CSMD2: variants seen among roughly 807,000 people sequenced by gnomAD.
CSMD2 encodes CUB and Sushi multiple domains 2.
Under a neutral mutation model 398.5 loss-of-function variants are expected in CSMD2, and 130 were observed. The ratio of observed to expected loss-of-function variants is 0.33; its 90% CI spans 0.28 to 0.38. CSMD2 has a LOEUF of 0.38. CSMD2 is among the 10% of genes least tolerant of loss of function. The probability of loss-of-function intolerance (pLI) is 1.00; values close to 1 mark genes in which losing one functional copy is unlikely to be tolerated. For synonymous variants in CSMD2, 1,828 were observed against 1,908.5 expected, an observed-to-expected ratio of 0.96 and a Z score of 1.10; for missense variants, 3,829 against 4,764.9, an observed-to-expected ratio of 0.80 and a Z score of 5.78.
At chr1:33,775,452 C>T (rs1651849732) in intron 12 of CSMD2, among the ~76,000 whole-genome samples, 2 of 152,242 alleles carry the variant, frequency 1.3e-5, no homozygotes, top group South Asian at 4.1e-4. Context: ...CCCATGAGTG[C>T]CCTGCTCACC....
intron 6 of CSMD2, among the ~76,000 whole-genome samples, chr1:33,845,659 A>C (rs921408684): frequency 2.6e-5 from 4 of 152,266 alleles, no homozygotes; most frequent in African/African-American, 9.6e-5. Flanking sequence ...GAAAGCTCTC[A>C]GGGTAAGCCT....
At chr1:33,678,095 A>G (rs962397706) in intron 25 of CSMD2, among the ~76,000 whole-genome samples, 2 of 151,428 alleles carry the variant, frequency 1.3e-5, no homozygotes, top group Non-Finnish European at 2.9e-5. Context: ...ATACCCTAAA[A>G]CTTAAAGTAT....
chr1:33,548,611 AGAC>A (rs1300173389), intron 56 of CSMD2, among the ~76,000 whole-genome samples: 1 of 152,238 alleles, frequency 6.6e-6, no homozygotes, highest in African/African-American at 2.4e-5. Context: ...CCACTGCAAA[AGAC>A]GACATTGTTT....
chr1:33,883,098 C>T (rs1197908615), intron 5 of CSMD2, among the ~76,000 whole-genome samples: 1 of 152,196 alleles, frequency 6.6e-6, no homozygotes, highest in African/African-American at 2.4e-5. Context: ...TTACAAAGAT[C>T]TTTGCACTGA....
chr1:33,533,090 C>A lies in CSMD2; in HGVS notation c.10131G>T (p.Lys3377Asn). 1 of 1,613,788 alleles carries A rather than the reference C, an allele frequency of 6.2e-7. No homozygotes were observed. Among genetic ancestry groups the A allele is most frequent in the Non-Finnish European group, 8.5e-7 (1 of 1,179,920 alleles). Residue 3377 changes from lysine to asparagine, a missense_variant, in exon 64 of 71, where the codon AAG (lysine) becomes AAT (asparagine). Around this residue, in one of 5 missense-constraint regions of CSMD2, gnomAD observed 917 missense variants for 1,199.5 expected, o/e 0.76. Coordinates refer to ENST00000373381, the MANE Select transcript of CSMD2 (RefSeq NM_001281956.2). The surrounding 1 kb of genome is among the most constrained non-coding windows in gnomAD (Gnocchi z 4.2). The stretch of plus-strand genomic sequence containing the variant: ...GCTTGCCTGTCCAGCTGCCATCCGC[C>A]TTGCAGGTGCGGTGCTCGGAGCCAC... ...LKGGSEHRTC[K>N]ADGSWTGKPP...
At chr1:34,039,396 C>T (rs1400946051) in intron 2 of CSMD2, among the ~76,000 whole-genome samples, 2 of 152,228 alleles carry the variant, frequency 1.3e-5, no homozygotes, top group East Asian at 3.8e-4. Flanking sequence ...AGAGCCCCTG[C>T]AAACCTCTTT....
In CSMD2 at chr1:33,972,742, C is replaced by T. The variant is rs527780765; in HGVS notation, c.518-36788G>A. Among the ~76,000 whole-genome samples the T allele has an allele frequency of 2.6e-5, 4 of 152,280 alleles. No individual in the cohort carries two copies. The South Asian group carries it at 8.3e-4, about 32-fold the overall frequency. Reference sequence around the variant, plus strand: ...GTAGCTCAGTGAGTCTGATTGTGGACTTCTGGCCTCCGGAACTGTAATAGA... The same window carrying T: ...GTAGCTCAGTGAGTCTGATTGTGGATTTCTGGCCTCCGGAACTGTAATAGA... On this transcript the variant is annotated intron_variant, in intron 3 of 70. Transcript: ENST00000373381.
At chr1:34,072,784 A>G (rs867672918) in intron 2 of CSMD2, among the ~76,000 whole-genome samples, 4 of 152,090 alleles carry the variant, frequency 2.6e-5, no homozygotes, top group Admixed American at 1.3e-4. Context: ...GGCTTTGTGT[A>G]TCACCTGCTG....
chr1:33,550,059 G>A (rs968845311), intron 56 of CSMD2, 118 bp downstream of exon 56: 1 of 990,580 alleles, frequency 1.0e-6, no homozygotes, highest in East Asian at 2.4e-5. Context: ...GTAGATATAA[G>A]GGTTCTGAGG....
rs373453105 is a variant in CSMD2 at position 33,751,463 on chromosome 1, G to A, written c.1847-7857C>T. On this transcript the variant is annotated intron_variant, in intron 13 of 70. Coordinates refer to ENST00000373381, the MANE Select transcript of CSMD2 (RefSeq NM_001281956.2). ...TGAGTTTTGTGAGAGCAATTTCAGAGACGTGGTGGACTCAGAAATCAGAAT... is the reference window on the plus strand; with the variant it reads ...TGAGTTTTGTGAGAGCAATTTCAGAAACGTGGTGGACTCAGAAATCAGAAT... Among the ~76,000 whole-genome samples, 13 of 152,210 alleles carry A rather than the reference G, an allele frequency of 8.5e-5. No individual in the cohort carries two copies. The East Asian group carries it at 2.5e-3, about 29-fold the overall frequency.
chr1:33,993,207 C>T (rs1311953144), intron 3 of CSMD2, among the ~76,000 whole-genome samples: 1 of 152,162 alleles, frequency 6.6e-6, no homozygotes, highest in Non-Finnish European at 1.5e-5. Context: ...CCCTATAAAC[C>T]TCTGAGAGGG....
chr1:33,904,246 C>G (rs1358159475), intron 5 of CSMD2, among the ~76,000 whole-genome samples: 1 of 152,088 alleles, frequency 6.6e-6, no homozygotes, highest in Non-Finnish European at 1.5e-5. Context: ...AAGGTGCTGG[C>G]GGAACCAAAT....
chr1:33,537,673 ACACCCC>A lies in CSMD2; in HGVS notation c.9632-70_9632-65del, dbSNP rs1304590200. The A allele has an allele frequency of 4.0e-6, 6 of 1,500,292 alleles. No individual in the cohort carries two copies. Among genetic ancestry groups the A allele is most frequent in the Non-Finnish European group, 5.4e-6 (6 of 1,110,176 alleles). The allele number at this position is 1,500,292 out of a possible 1,614,324, so 92.9% of individuals were successfully genotyped here. A position where few individuals can be genotyped will look rare whatever the true frequency, so the allele number is the denominator to read the frequency against. ...TTCCAGAACCCAATCTTCCAGTCCC[ACACCCC>A]CATCTTTGTTCTTTGCACTGCTCCC... On this transcript the variant is annotated intron_variant, in intron 60 of 70. Coordinates refer to ENST00000373381, the MANE Select transcript of CSMD2 (RefSeq NM_001281956.2). The surrounding 1 kb of genome is among the most constrained non-coding windows in gnomAD (Gnocchi z 4.6).
chr1:33,892,351 T>A (rs985193926), intron 5 of CSMD2, among the ~76,000 whole-genome samples: 6 of 152,184 alleles, frequency 3.9e-5, no homozygotes, highest in Admixed American at 3.9e-4. Context: ...TTTTTGGGTG[T>A]ACAGGTGGTT....
intron 3 of CSMD2, among the ~76,000 whole-genome samples, chr1:33,982,518 T>C (rs1031649128): frequency 2.0e-5 from 3 of 152,194 alleles, no homozygotes; most frequent in African/African-American, 7.2e-5. Flanking sequence ...ACTGGGAGTA[T>C]TTTAAATGAG....
At chr1:34,150,217 G>T (rs1307358222) in intron 1 of CSMD2, among the ~76,000 whole-genome samples, 1 of 151,940 alleles carries the variant, frequency 6.6e-6, no homozygotes, top group Non-Finnish European at 1.5e-5. Context: ...GACTTGCTGG[G>T]ACTACAGGCG....
intron 1 of CSMD2, among the ~76,000 whole-genome samples, chr1:34,092,721 C>T (rs1658757399): frequency 6.6e-6 from 1 of 152,190 alleles, no homozygotes; most frequent in African/African-American, 2.4e-5. Context: ...AACGGCGCAC[C>T]ACGAGATTAT....
chr1:33,562,766 A>T (rs1254479479), intron 53 of CSMD2, among the ~76,000 whole-genome samples: 1 of 152,198 alleles, frequency 6.6e-6, no homozygotes, highest in Non-Finnish European at 1.5e-5. Flanking sequence ...GGTGGGCCTC[A>T]TCCAATCAGT....
chr1:33,941,161 T>C (rs1644659087), intron 3 of CSMD2, among the ~76,000 whole-genome samples: 1 of 152,240 alleles, frequency 6.6e-6, no homozygotes, highest in African/African-American at 2.4e-5. Context: ...AACAATTCCA[T>C]TGTAGATTAG....
Sources: allele counts gnomAD v4.1 joint callset (sites outside exome capture counted in the v4.1 genomes callset), GRCh38; gene constraint gnomAD v4.1.1; regional missense constraint gnomAD v4.1.1; non-coding constraint Gnocchi (gnomAD v3.1); transcripts MANE v1.5; gene names NCBI Gene and HGNC (gene_info 2026-07-23, HGNC 2026-07-21).